The following SYNJ2 variants were observed in gnomAD, a reference collection of about 807,000 sequenced individuals.
The protein encoded by SYNJ2 is synaptojanin 2, also known as polyphosphatidylinositol phosphatase SYNJ2.
In SYNJ2, 116 loss-of-function variants were observed where a neutral mutation model predicts 141.3. The observed-to-expected ratio is 0.82, with a 90% confidence interval of 0.71 to 0.96. The LOEUF is 0.96. Among genes scored for constraint, SYNJ2 ranks in the 40% least tolerant of loss-of-function variants. The probability of loss-of-function intolerance (pLI) is 0.00; values close to 1 mark genes in which losing one functional copy is unlikely to be tolerated. For missense variants in SYNJ2, 1,873 were observed against 1,934.8 expected (o/e 0.97, Z 0.60); for synonymous variants, 745 against 777.7 (o/e 0.96, Z 0.70).
At position 157,985,963 on chromosome 6, in the gene SYNJ2, G is replaced by A. The variant is rs113119649; in HGVS notation, c.127+3875G>A. On this transcript the variant is annotated intron_variant, in intron 1 of 26. Coordinates refer to ENST00000355585, the MANE Select transcript of SYNJ2 (RefSeq NM_003898.4). The stretch of plus-strand genomic sequence containing the variant: ...CCCAGCTGCTGTTGTGCGAGGCCAC[G>A]TCTCGAGTTTAGCTTTGTTTGAATT... 1.7e-3 allele frequency among the ~76,000 whole-genome samples: 258 copies of A among 152,294 alleles called. 1 individual carries two copies. Among genetic ancestry groups the A allele is most frequent in the African/African-American group, 5.9e-3 (247 of 41,572 alleles).
intron 1 of SYNJ2, among the ~76,000 whole-genome samples, chr6:158,010,497 G>A (rs561462700): frequency 6.6e-6 from 1 of 152,170 alleles, no homozygotes; most frequent in South Asian, 2.1e-4. Context: ...GGAGGTGAAG[G>A]CACTGCAGGA....
intron 4 of SYNJ2, among the ~76,000 whole-genome samples, chr6:158,039,104 C>T (rs1201572346): frequency 6.6e-6 from 1 of 152,244 alleles, no homozygotes; most frequent in East Asian, 1.9e-4. Context: ...AAGCAAGAAA[C>T]TCCTGTTGCC....
intron 1 of SYNJ2, among the ~76,000 whole-genome samples, chr6:158,008,570 G>A (rs1778153992): frequency 6.6e-6 from 1 of 152,224 alleles, no homozygotes; most frequent in East Asian, 1.9e-4. Flanking sequence ...AGGAGAGTGA[G>A]TAGCCTGGGC....
At chr6:158,037,859 G>A (rs1779723115) in intron 4 of SYNJ2, among the ~76,000 whole-genome samples, 1 of 152,248 alleles carries the variant, frequency 6.6e-6, no homozygotes, top group South Asian at 2.1e-4. Context: ...GTGCTTTACA[G>A]GCAGCGCCTG....
Position 158,095,967 on chromosome 6 carries a change from A to T in SYNJ2, c.4094A>T (p.Asp1365Val). 6.2e-7 allele frequency: 1 copy of T among 1,614,162 alleles called. No homozygotes were observed. Among genetic ancestry groups the T allele is most frequent in the Non-Finnish European group, 8.5e-7 (1 of 1,180,032 alleles). Residue 1365 changes from aspartate (D) to valine (V), a missense_variant, in exon 27 of 27, where the codon GAC becomes GTC. By Grantham distance (152) the Asp-to-Val change is radical. Transcript: ENST00000355585. ...LLQGLTYNSSDSPSGHPPAAG... is the reference protein window; with the variant it reads ...LLQGLTYNSSVSPSGHPPAAG... ...CAGGGCCTCACTTACAATAGCAGTG[A>T]CAGCCCCTCTGGGCACCCACCTGCC...
intron 1 of SYNJ2, among the ~76,000 whole-genome samples, chr6:157,992,617 C>T (rs556204007): frequency 1.7e-4 from 26 of 151,890 alleles, no homozygotes; most frequent in Non-Finnish European, 3.1e-4. Context: ...AGGCTGGTCT[C>T]GAACTCCTGA....
chr6:158,019,108 TAGTATCTGGGCCCCCA>T (rs898551134), intron 2 of SYNJ2, among the ~76,000 whole-genome samples: 18 of 152,332 alleles, frequency 1.2e-4, no homozygotes, highest in Middle Eastern at 3.4e-3. Context: ...TTCCACATGG[TAGTATCTGGGCCCCCA>T]GGATGCCTCA....
At position 158,078,116 on chromosome 6, in the gene SYNJ2, A is replaced by G. The variant is rs777259429; in HGVS notation, c.2450-48A>G. Reference sequence around the variant, plus strand: ...AAGTGTCATGATCGCATTCTTGGATATTGACTCGATTCTATATGGGTCTCT... The same window carrying G: ...AAGTGTCATGATCGCATTCTTGGATGTTGACTCGATTCTATATGGGTCTCT... On this transcript the variant is annotated intron_variant, in intron 17 of 26. Transcript: ENST00000355585. The G allele has an allele frequency of 2.4e-6, 3 of 1,248,056 alleles. No individual in the cohort carries two copies. The African/African-American group carries it at 4.5e-5, about 19-fold the overall frequency. The allele number at this position is 1,248,056 out of a possible 1,614,324, so 77.3% of individuals were successfully genotyped here.
chr6:158,030,620 G>C (rs1779310688), intron 3 of SYNJ2: 1 of 152,366 alleles, frequency 6.6e-6, no homozygotes, highest in African/African-American at 2.4e-5. Context: ...GGCTGGGCAT[G>C]GTAGCTCACG....
intron 1 of SYNJ2, among the ~76,000 whole-genome samples, chr6:157,999,341 A>G (rs1777749646): frequency 6.6e-6 from 1 of 152,066 alleles, no homozygotes; most frequent in Non-Finnish European, 1.5e-5. Context: ...CAGGCAGCGC[A>G]CTCTGCTCAG....
At chr6:158,028,728 G>T in intron 2 of SYNJ2, 28 bp from the exon 3 acceptor site, 2 of 1,609,234 alleles carry the variant, frequency 1.2e-6, no homozygotes, top group Non-Finnish European at 1.7e-6. Flanking sequence ...CTTCGACCCT[G>T]AGCTCTCCTG....
intron 5 of SYNJ2, among the ~76,000 whole-genome samples, chr6:158,054,682 T>G (rs1014912784): frequency 1.3e-5 from 2 of 152,224 alleles, no homozygotes; most frequent in South Asian, 4.1e-4. Context: ...CTCATCATCT[T>G]ACCCTGGATC....
intron 21 of SYNJ2, 96 bp from the exon 22 acceptor site, chr6:158,083,905 T>A: frequency 1.4e-6 from 2 of 1,407,718 alleles, no homozygotes; most frequent in Non-Finnish European, 2.0e-6. Flanking sequence ...AGGGTGCACG[T>A]GTCCTGACAG....
At chr6:158,051,218 G>T (rs141483894) in intron 5 of SYNJ2, among the ~76,000 whole-genome samples, 122 of 152,292 alleles carry the variant, frequency 8.0e-4, no homozygotes, top group African/African-American at 2.8e-3. Flanking sequence ...CTCCCATGGG[G>T]AATGATCCTA....
chr6:158,095,524 T>C, intron 26 of SYNJ2, 94 bp from the exon 27 acceptor site: 1 of 1,442,344 alleles, frequency 6.9e-7, no homozygotes, highest in Non-Finnish European at 9.2e-7. Flanking sequence ...CAGCTTGGTC[T>C]CATCTCTGTT....
intron 5 of SYNJ2, among the ~76,000 whole-genome samples, chr6:158,045,357 G>A (rs1447314238): frequency 1.3e-5 from 2 of 152,004 alleles, no homozygotes; most frequent in South Asian, 2.1e-4. Flanking sequence ...TGATCCACCC[G>A]CCTCAGCCTC....
At chr6:158,024,009 C>T (rs1054319648) in intron 2 of SYNJ2, among the ~76,000 whole-genome samples, 3 of 152,146 alleles carry the variant, frequency 2.0e-5, no homozygotes, top group Admixed American at 6.5e-5. Context: ...TTAGTGTTTG[C>T]GTCTACAAAA....
chr6:158,069,444 G>A, intron 13 of SYNJ2, 89 bp from the exon 14 acceptor site: 1 of 1,492,298 alleles, frequency 6.7e-7, no homozygotes, highest in Non-Finnish European at 9.1e-7. Flanking sequence ...TCTGCAAACA[G>A]AATAGGCTTG....
At chr6:158,022,969 G>A (rs1272107792) in intron 2 of SYNJ2, among the ~76,000 whole-genome samples, 1 of 152,156 alleles carries the variant, frequency 6.6e-6, no homozygotes, top group Non-Finnish European at 1.5e-5. Flanking sequence ...CATAGTACAG[G>A]CCAGGCATGG....
Sources: allele counts gnomAD v4.1 joint callset (sites outside exome capture counted in the v4.1 genomes callset), GRCh38; gene constraint gnomAD v4.1.1; transcripts MANE v1.5; gene names NCBI Gene and HGNC (gene_info 2026-07-23, HGNC 2026-07-21).